FAT3: variants seen among roughly 807,000 people sequenced by gnomAD.
The protein encoded by FAT3 is protocadherin Fat 3.
In FAT3, 95 loss-of-function variants were observed where a neutral mutation model predicts 310.2. The observed-to-expected ratio is 0.31, with a 90% CI of 0.26 to 0.36. The LOEUF is 0.36. FAT3 is among the 10% of genes least tolerant of loss of function. FAT3 has a pLI of 1.00. For synonymous variants in FAT3, 2,314 were observed against 2,192.9 expected, an observed-to-expected ratio of 1.06 and a Z score of -1.54; for missense variants, 5,408 against 5,715.6, an observed-to-expected ratio of 0.95 and a Z score of 1.74.
Position 92,442,080 on chromosome 11 carries a change from T to TA in FAT3, c.3293-82554_3293-82553insA, listed in dbSNP as rs1393671755. Among the ~76,000 whole-genome samples the TA allele has an allele frequency of 9.2e-4, 44 of 47,586 alleles. 1 individual carries two copies. Among genetic ancestry groups the TA allele is most frequent in the African/African-American group, 4.1e-3 (43 of 10,458 alleles). The allele number at this position is 47,586 out of a possible 152,430, so 31.2% of individuals were successfully genotyped here. A position where few individuals can be genotyped will look rare whatever the true frequency, so the allele number is the denominator to read the frequency against. On this transcript the variant is annotated intron_variant, in intron 2 of 27. Transcript: ENST00000525166. Reference sequence around the variant, plus strand: ...AGTGCAAAACTTAAGAAATATATATTTTATATATATATATATATATATATA... The same window carrying TA: ...AGTGCAAAACTTAAGAAATATATATTATTATATATATATATATATATATATA...
chr11:92,475,863 C>T (rs1177900415), intron 2 of FAT3, among the ~76,000 whole-genome samples: 1 of 152,034 alleles, frequency 6.6e-6, no homozygotes, highest in Non-Finnish European at 1.5e-5. Context: ...GGAGTCACTT[C>T]CATACAAATC....
intron 2 of FAT3, among the ~76,000 whole-genome samples, chr11:92,447,218 T>TGTGC (rs1951238202): frequency 1.1e-5 from 1 of 93,690 alleles, no homozygotes; most frequent in African/African-American, 4.3e-5. Flanking sequence ...TATGTATATG[T>TGTGC]GTGCGTGTGT....
At chr11:92,517,593 CA>C (rs1211999828) in intron 2 of FAT3, among the ~76,000 whole-genome samples, 2 of 152,136 alleles carry the variant, frequency 1.3e-5, no homozygotes, top group Admixed American at 6.6e-5. Flanking sequence ...ACACCAAAAA[CA>C]GTGGCAACAA....
chr11:92,328,964 A>C (rs1236741691), intron 1 of FAT3, among the ~76,000 whole-genome samples: 1 of 152,174 alleles, frequency 6.6e-6, no homozygotes, highest in East Asian at 1.9e-4. Flanking sequence ...GACTGTTTAA[A>C]TTACCAGATT....
At chr11:92,436,234 G>C (rs1591288934) in intron 2 of FAT3, among the ~76,000 whole-genome samples, 1 of 152,116 alleles carries the variant, frequency 6.6e-6, no homozygotes, top group Non-Finnish European at 1.5e-5. Context: ...TGACCTCATG[G>C]GCTCAATCAG....
chr11:92,554,447 G>C (rs1295458334), intron 3 of FAT3, among the ~76,000 whole-genome samples: 1 of 103,790 alleles, frequency 9.6e-6, no homozygotes, highest in Non-Finnish European at 1.7e-5. Context: ...GGGCGAAAGA[G>C]TGAGACTCCA....
chr11:92,709,906 C>G (rs954311173), intron 4 of FAT3, among the ~76,000 whole-genome samples: 3 of 152,116 alleles, frequency 2.0e-5, no homozygotes, highest in Admixed American at 6.6e-5. Flanking sequence ...CTTGGGAGAT[C>G]ATAAATACAT....
At chr11:92,274,175 T>C (rs1443118731) in intron 1 of FAT3, among the ~76,000 whole-genome samples, 1 of 152,156 alleles carries the variant, frequency 6.6e-6, no homozygotes, top group Non-Finnish European at 1.5e-5. Context: ...AATTTTCTTC[T>C]GTGTTCTTTC....
chr11:92,744,086 C>T (rs562075974), intron 4 of FAT3, among the ~76,000 whole-genome samples: 1 of 152,312 alleles, frequency 6.6e-6, no homozygotes, highest in East Asian at 1.9e-4. Context: ...ATATAATTCA[C>T]AGCCAGCTAT....
chr11:92,404,325 T>G (rs1188280569), intron 2 of FAT3, among the ~76,000 whole-genome samples: 2 of 152,100 alleles, frequency 1.3e-5, no homozygotes, highest in African/African-American at 4.8e-5. Flanking sequence ...TAGTGGAATG[T>G]ATGCTGGGTA....
chr11:92,271,220 T>G (rs765478516), intron 1 of FAT3, among the ~76,000 whole-genome samples: 3 of 152,120 alleles, frequency 2.0e-5, no homozygotes, highest in Non-Finnish European at 4.4e-5. Context: ...ACTCCTTACT[T>G]TAGCCTCAAG....
chr11:92,775,495 T>C (rs892585211), intron 7 of FAT3, among the ~76,000 whole-genome samples: 2 of 152,196 alleles, frequency 1.3e-5, no homozygotes. Context: ...TTGCATATAA[T>C]ACGGGAGCCA....
chr11:92,628,742 C>T (rs1941431838), intron 3 of FAT3, among the ~76,000 whole-genome samples: 1 of 152,146 alleles, frequency 6.6e-6, no homozygotes, highest in African/African-American at 2.4e-5. Flanking sequence ...CCCATTTAGC[C>T]CCAGACAGGT....
chr11:92,779,916 G>T (rs571135678), intron 7 of FAT3, among the ~76,000 whole-genome samples: 11 of 152,140 alleles, frequency 7.2e-5, no homozygotes, highest in African/African-American at 2.6e-4. Flanking sequence ...AGGAATTAAC[G>T]CAGCCTTAAG....
rs897574695 is a variant in FAT3, at chr11:92,701,959, T to G, written c.3669+4514T>G. 5.3e-5 allele frequency among the ~76,000 whole-genome samples: 8 copies of G among 152,338 alleles called. No homozygotes were observed. In the East Asian group the frequency reaches 1.2e-3, roughly 22 times the overall value. On this transcript the variant is annotated intron_variant, in intron 4 of 27. Transcript: ENST00000525166. ...CTCCCTGTGGGCATGCAACTTGATT[T>G]ATCAAGACAGTGAATTAAGGTAGTG...
At chr11:92,359,921 A>G (rs965522144) in intron 2 of FAT3, among the ~76,000 whole-genome samples, 1 of 141,414 alleles carries the variant, frequency 7.1e-6, no homozygotes. Context: ...GCTATTGTGA[A>G]TAATGCCGCA....
At chr11:92,889,708 C>T (rs1057048178) in intron 26 of FAT3, 148 bp from the exon 27 acceptor site, 2 of 619,976 alleles carry the variant, frequency 3.2e-6, no homozygotes, top group African/African-American at 3.7e-5. Context: ...CCCTAAATAA[C>T]AATGGGAAGA....
At chr11:92,852,896 C>G (rs1948868601) in intron 19 of FAT3, among the ~76,000 whole-genome samples, 2 of 152,172 alleles carry the variant, frequency 1.3e-5, no homozygotes, top group South Asian at 4.1e-4. Context: ...CTAATTACCT[C>G]TGTGCTTTAA....
At chr11:92,430,165 T>C (rs1421216728) in intron 2 of FAT3, among the ~76,000 whole-genome samples, 1 of 152,216 alleles carries the variant, frequency 6.6e-6, no homozygotes, top group East Asian at 1.9e-4. Context: ...ACTTGATCAA[T>C]TCAGCTATTG....
Sources: gnomAD v4.1 joint callset for allele counts (sites outside exome capture counted in the v4.1 genomes callset) on GRCh38, gnomAD v4.1.1 for gene constraint, MANE v1.5 for transcripts, NCBI Gene and HGNC (gene_info 2026-07-23, HGNC 2026-07-21) for gene names.